ANKAR: variants seen among roughly 807,000 people sequenced by gnomAD.
ANKAR encodes ankyrin and armadillo repeat-containing protein.
A neutral mutation model predicts 146.2 loss-of-function variants in ANKAR; 136 were observed. That is an observed-to-expected ratio of 0.93 (90% CI 0.81 to 1.07). The LOEUF (loss-of-function observed/expected upper bound fraction) is 1.07, where lower values mean the gene tolerates loss of function less well. Among genes scored for constraint, ANKAR ranks in the 50% least tolerant of loss-of-function variants. The pLI, the probability that ANKAR is intolerant of heterozygous loss-of-function variation, is 0.00. For missense variants in ANKAR, 1,567 were observed against 1,679.9 expected (o/e 0.93, Z 1.18); for synonymous variants, 500 against 575.8 (o/e 0.87, Z 1.88).
In ANKAR at chr2:189,724,502, G is replaced by A. The variant is rs115644620; in HGVS notation, c.2636-3354G>A. 7.6e-3 allele frequency among the ~76,000 whole-genome samples: 1,150 copies of A among 152,106 alleles called. 12 individuals carry two copies. Among genetic ancestry groups the A allele is most frequent in the Middle Eastern group, 0.031 (9 of 294 alleles). ...TTTACTCTGGCCTTTCCTTTTGTTC[G>A]ACAAGGTCAAGGACCTTGTTTTGTT... On this transcript the variant is annotated intron_variant, in intron 12 of 22. Transcript: ENST00000684021.
At chr2:189,684,657 C>T (rs2035257069) in intron 2 of ANKAR, among the ~76,000 whole-genome samples, 2 of 151,958 alleles carry the variant, frequency 1.3e-5, no homozygotes, top group Admixed American at 6.6e-5. Flanking sequence ...GAGTTCGAGA[C>T]CAGGCTCTAC....
intron 21 of ANKAR, 151 bp downstream of exon 21, chr2:189,743,625 CACA>C: frequency 1.3e-6 from 1 of 758,196 alleles, no homozygotes; most frequent in Non-Finnish European, 2.1e-6. Flanking sequence ...TGACCACTGC[CACA>C]ACCTGTTTTA....
intron 16 of ANKAR, among the ~76,000 whole-genome samples, 175 bp downstream of exon 16, chr2:189,730,776 G>C (rs923356119): frequency 6.6e-6 from 1 of 151,962 alleles, no homozygotes; most frequent in Non-Finnish European, 1.5e-5. Context: ...CAAAATCCTA[G>C]AAGTTTTAAA....
At chr2:189,725,814 G>A (rs2041822377) in intron 12 of ANKAR, among the ~76,000 whole-genome samples, 1 of 152,082 alleles carries the variant, frequency 6.6e-6, no homozygotes, top group Non-Finnish European at 1.5e-5. Flanking sequence ...AGGCTGAGGT[G>A]GGAGGATCGC....
rs992470705 is a variant in ANKAR, at chr2:189,693,139, A to C, written c.1269A>C (p.Glu423Asp). ...NTFIEDSGYKEYYSIPVMEFH... is the reference protein window; with the variant it reads ...NTFIEDSGYKDYYSIPVMEFH... ...TTATAGAAGATTCAGGATATAAAGAATATTACTCAATACCAGTCATGGAAT... is the reference window on the plus strand; with the variant it reads ...TTATAGAAGATTCAGGATATAAAGACTATTACTCAATACCAGTCATGGAAT... Residue 423 changes from glutamate (E) to aspartate (D), a missense_variant, in exon 5 of 23, where the codon GAA becomes GAC. Coordinates refer to ENST00000684021, the MANE Select transcript of ANKAR (RefSeq NM_001378068.1). 3.2e-6 allele frequency: 5 copies of C among 1,560,034 alleles called. No homozygotes were observed. The highest frequency in any genetic ancestry group is 2.0e-5 in the Admixed American group (1 of 49,606).
At chr2:189,732,500 A>C (rs959916080) in intron 16 of ANKAR, among the ~76,000 whole-genome samples, 1 of 152,034 alleles carries the variant, frequency 6.6e-6, no homozygotes, top group Non-Finnish European at 1.5e-5. Flanking sequence ...TCTCTGCTAA[A>C]GATACAAAAA....
At chr2:189,733,519 T>A (rs1445982882) in intron 17 of ANKAR, among the ~76,000 whole-genome samples, 1 of 152,180 alleles carries the variant, frequency 6.6e-6, no homozygotes, top group South Asian at 2.1e-4. Context: ...TTTTATGCCC[T>A]TTCAGCCCTC....
chr2:189,734,761 C>T (rs1056809595), intron 17 of ANKAR, among the ~76,000 whole-genome samples: 8 of 151,894 alleles, frequency 5.3e-5, no homozygotes, highest in Non-Finnish European at 8.8e-5. Flanking sequence ...ATCAGGAGTT[C>T]GAGACCAGCC....
intron 21 of ANKAR, among the ~76,000 whole-genome samples, chr2:189,744,327 A>C (rs1157185773): frequency 2.0e-5 from 3 of 152,214 alleles, no homozygotes; most frequent in African/African-American, 7.2e-5. Context: ...TATAATTGAT[A>C]ATTCTAAATA....
chr2:189,675,369 C>T (rs944538304), intron 1 of ANKAR, among the ~76,000 whole-genome samples: 1 of 151,842 alleles, frequency 6.6e-6, no homozygotes, highest in South Asian at 2.1e-4. Context: ...CTTTCCTTTT[C>T]TTTTTCTTTT....
At chr2:189,693,341 T>TTA (rs1204551515) in intron 5 of ANKAR, among the ~76,000 whole-genome samples, 164 bp downstream of exon 5, 3 of 152,154 alleles carry the variant, frequency 2.0e-5, no homozygotes, top group Non-Finnish European at 2.9e-5. Context: ...ATATTAAATG[T>TTA]TATAGTTATT....
intron 5 of ANKAR, among the ~76,000 whole-genome samples, chr2:189,694,534 G>T (rs1238960948): frequency 7.2e-5 from 11 of 152,186 alleles, no homozygotes; most frequent in African/African-American, 2.7e-4. Context: ...CTGGTAGGAG[G>T]GGGGTTTCTC....
In ANKAR at chr2:189,743,480, G is replaced by A; in HGVS notation, c.4010+6G>A. The A allele has an allele frequency of 6.2e-7, 1 of 1,610,966 alleles. No homozygotes were observed. Among genetic ancestry groups the A allele is most frequent in the Non-Finnish European group, 8.5e-7 (1 of 1,178,076 alleles). On this transcript the variant is annotated splice_donor_region_variant and intron_variant, in intron 21 of 22. Transcript: ENST00000684021. Reference sequence around the variant, plus strand: ...GTGGGACTTCCTTCCTTAAGGTATGGTCCTATGTTAGAAGTTGCAGTAGTG... The same window carrying A: ...GTGGGACTTCCTTCCTTAAGGTATGATCCTATGTTAGAAGTTGCAGTAGTG...
intron 15 of ANKAR, among the ~76,000 whole-genome samples, chr2:189,729,355 T>A (rs191320891): frequency 2.0e-5 from 3 of 152,306 alleles, no homozygotes; most frequent in Admixed American, 2.0e-4. Flanking sequence ...GTGCTGATTG[T>A]AGACTGCTTC....
Position 189,754,079 on chromosome 2 carries a change from A to C in ANKAR, c.*585-7019A>C, listed in dbSNP as rs41270231. On this transcript the variant is annotated intron_variant and NMD_transcript_variant, in intron 18 of 18. Transcript: ENST00000441800. ...CTTCTCAATACCTGCAGAAATGAGC[A>C]GCTATTTTTAGGCACAATCCAGGAA... The C allele has an allele frequency of 6.0e-3, 9,611 of 1,612,070 alleles. 44 individuals carry two copies. Among genetic ancestry groups the C allele is most frequent in the Middle Eastern group, 0.016 (94 of 6,060 alleles).
Position 189,694,025 on chromosome 2 carries a change from G to A in ANKAR, c.1307+848G>A, listed in dbSNP as rs1043421842. 4.6e-5 allele frequency among the ~76,000 whole-genome samples: 7 copies of A among 151,946 alleles called. No individual in the cohort carries two copies. In the South Asian group the frequency reaches 8.3e-4, roughly 18 times the overall value. ...CAGCCTCCCAAAGTGCTGGGATTAC[G>A]GGCATGAGCCACCATGCCTGTCCAT... On this transcript the variant is annotated intron_variant, in intron 5 of 22. Coordinates refer to ENST00000684021, the MANE Select transcript of ANKAR (RefSeq NM_001378068.1).
rs577968439 is a variant in ANKAR at position 189,691,567 on chromosome 2, T to A, written c.1040-688T>A. 2.0e-4 allele frequency among the ~76,000 whole-genome samples: 31 copies of A among 152,122 alleles called. No homozygotes were observed. In the South Asian group the frequency reaches 6.4e-3, roughly 32 times the overall value. ...TTTCTTATAATTGGGAGTAAGATAC[T>A]AATCTTGAGCTCACTTACAATAAAT... On this transcript the variant is annotated intron_variant, in intron 3 of 22. Coordinates refer to ENST00000684021, the MANE Select transcript of ANKAR (RefSeq NM_001378068.1).
intron 19 of ANKAR, among the ~76,000 whole-genome samples, chr2:189,740,132 T>C (rs7560735): frequency 0.036 from 5,438 of 152,302 alleles, 333 homozygotes; most frequent in African/African-American, 0.12. Context: ...AACTGATTTC[T>C]GTTACCAAGA....
chr2:189,719,030 T>A (rs2040919947), intron 10 of ANKAR, among the ~76,000 whole-genome samples: 1 of 151,858 alleles, frequency 6.6e-6, no homozygotes. Flanking sequence ...ATTACAGGCG[T>A]GAGCCACCGC....
Sources: gnomAD v4.1 joint callset for allele counts (sites outside exome capture counted in the v4.1 genomes callset) on GRCh38, gnomAD v4.1.1 for gene constraint, MANE v1.5 for transcripts, NCBI Gene and HGNC (gene_info 2026-07-23, HGNC 2026-07-21) for gene names.